The following IQCK variants were observed in gnomAD, a reference collection of about 807,000 sequenced individuals.
The protein encoded by IQCK is IQ domain-containing protein K.
Under a neutral mutation model 28.1 loss-of-function variants are expected in IQCK, and 29 were observed. The ratio of observed to expected loss-of-function variants is 1.03; its 90% CI spans 0.77 to 1.41. The LOEUF (loss-of-function observed/expected upper bound fraction) is 1.41, where lower values mean the gene tolerates loss of function less well. IQCK is among the 40% of genes most tolerant of loss of function. The pLI is 0.00. For synonymous variants in IQCK, 113 were observed against 115.1 expected (o/e 0.98, Z 0.12); for missense variants, 359 against 314.7 (o/e 1.14, Z -1.07).
At chr16:19,829,482 G>A (rs1204332178), downstream of IQCK, among the ~76,000 whole-genome samples, 1 of 152,060 alleles carries the variant, frequency 6.6e-6, no homozygotes, top group Non-Finnish European at 1.5e-5. Flanking sequence ...GATTACAGGC[G>A]TTTGCCACCA....
chr16:19,805,771 C>T (rs984410491), intron 7 of IQCK, among the ~76,000 whole-genome samples: 10 of 152,176 alleles, frequency 6.6e-5, no homozygotes, highest in South Asian at 6.2e-4. Flanking sequence ...TTAATTGACA[C>T]GAGGCCAGCC....
At chr16:19,760,727 G>C (rs1291384976) in intron 4 of IQCK, among the ~76,000 whole-genome samples, 7 of 152,118 alleles carry the variant, frequency 4.6e-5, no homozygotes, top group African/African-American at 1.7e-4. Flanking sequence ...AGAGTTCTTG[G>C]ATCTTGTGCA....
intron 2 of IQCK, among the ~76,000 whole-genome samples, chr16:19,731,927 A>G (rs893454920): frequency 5.9e-5 from 9 of 152,196 alleles, no homozygotes; most frequent in African/African-American, 2.4e-5. Flanking sequence ...GCAGGGTTAC[A>G]TGGAAATCTA....
chr16:19,857,131 G>T (rs11861105), exon 10 of IQCK: 1 of 201,848 alleles, frequency 5.0e-6, no homozygotes, highest in Non-Finnish European at 1.0e-5. Flanking sequence ...GTATTATATA[G>T]AAAGTTCCTG....
chr16:19,797,567 G>A (rs2055704882), intron 7 of IQCK, among the ~76,000 whole-genome samples: 2 of 67,636 alleles, frequency 3.0e-5, no homozygotes, highest in South Asian at 5.7e-4. Context: ...GTTATTTGAT[G>A]AACAATACAG....
intron 7 of IQCK, among the ~76,000 whole-genome samples, chr16:19,805,865 G>C (rs894387238): frequency 2.0e-5 from 3 of 152,038 alleles, no homozygotes; most frequent in African/African-American, 4.8e-5. Flanking sequence ...ATAGTTTGGT[G>C]GGGTGGGGGG....
intron 7 of IQCK, among the ~76,000 whole-genome samples, chr16:19,814,220 C>CAAAAAAAAAAAAA (rs71146272): frequency 5.1e-5 from 1 of 19,436 alleles, no homozygotes; most frequent in Non-Finnish European, 1.0e-4. Context: ...AACTCTATCT[C>CAAAAAAAAAAAAA]AAAAAAAAAA....
intron 1 of IQCK, among the ~76,000 whole-genome samples, chr16:19,729,934 AC>A (rs1977776941): frequency 1.3e-5 from 2 of 150,604 alleles, no homozygotes; most frequent in African/African-American, 4.9e-5. Flanking sequence ...GTGAGCCACC[AC>A]GCCCGGCCTA....
intron 4 of IQCK, among the ~76,000 whole-genome samples, chr16:19,750,960 G>A (rs2054978673): frequency 6.6e-6 from 1 of 152,108 alleles, no homozygotes; most frequent in South Asian, 2.1e-4. Flanking sequence ...TCAGAAATGT[G>A]GAGGGCTGTG....
rs568321978 is a variant in IQCK, at chr16:19,773,474, C to A, written c.605+9362C>A. On this transcript the variant is annotated intron_variant, in intron 6 of 7. Coordinates refer to ENST00000564186, the Ensembl canonical transcript of IQCK. ...GGGTTTGTTCTAAAGAACAAGTCTCCAATAATCTCAGAGTTCCTGGGGAAC... is the reference window on the plus strand; with the variant it reads ...GGGTTTGTTCTAAAGAACAAGTCTCAAATAATCTCAGAGTTCCTGGGGAAC... Among the ~76,000 whole-genome samples, 8 of 152,254 alleles carry A rather than the reference C, an allele frequency of 5.3e-5. No homozygotes were observed. The South Asian group carries it at 1.7e-3, about 32-fold the overall frequency.
intron 7 of IQCK, among the ~76,000 whole-genome samples, chr16:19,816,551 G>A (rs749086977): frequency 2.6e-5 from 4 of 152,166 alleles, no homozygotes; most frequent in Non-Finnish European, 5.9e-5. Flanking sequence ...CAAAGTGCTG[G>A]GATTACTCAG....
chr16:19,803,603 T>G (rs2055789450), intron 7 of IQCK, among the ~76,000 whole-genome samples: 3 of 152,204 alleles, frequency 2.0e-5, no homozygotes, highest in Admixed American at 6.5e-5. Flanking sequence ...AGATGAAGAA[T>G]AATAATAGCT....
chr16:19,783,147 C>T (rs1199988874), intron 6 of IQCK, among the ~76,000 whole-genome samples: 4 of 151,738 alleles, frequency 2.6e-5, no homozygotes, highest in South Asian at 2.1e-4. Flanking sequence ...TACAGGTGTC[C>T]GCCACTACGC....
At chr16:19,821,138 T>C (rs2056066092) in intron 7 of IQCK, among the ~76,000 whole-genome samples, 1 of 152,000 alleles carries the variant, frequency 6.6e-6, no homozygotes, top group South Asian at 2.1e-4. Flanking sequence ...AGCCCAGGAG[T>C]TTGAGACCAG....
chr16:19,822,169 C>T (rs942507000), intron 7 of IQCK, among the ~76,000 whole-genome samples: 1 of 150,226 alleles, frequency 6.7e-6, no homozygotes, highest in African/African-American at 2.4e-5. Context: ...AGGCAGATCA[C>T]ACGGTCAGGG....
intron 2 of IQCK, among the ~76,000 whole-genome samples, chr16:19,730,707 G>A (rs980330158): frequency 4.3e-5 from 6 of 138,714 alleles, no homozygotes; most frequent in Admixed American, 2.0e-4. Flanking sequence ...TAGTTTCGGC[G>A]TTTGTCTGTC....
At chr16:19,828,653 G>A (rs111782686), downstream of IQCK, among the ~76,000 whole-genome samples, 1,245 of 150,470 alleles carry the variant, frequency 8.3e-3, 19 homozygotes, top group African/African-American at 0.029. Context: ...GAGGCGGGTG[G>A]ATCACCTGAA....
At chr16:19,858,386 T>G in exon 10 of IQCK, 2 of 498,822 alleles carry the variant, frequency 4.0e-6, no homozygotes, top group Non-Finnish European at 7.2e-6. Context: ...GTTCTTATGC[T>G]GGGGAAGCAC....
chr16:19,807,483 C>G (rs1411928901), intron 7 of IQCK, among the ~76,000 whole-genome samples: 1 of 152,180 alleles, frequency 6.6e-6, no homozygotes, highest in Non-Finnish European at 1.5e-5. Context: ...TGCATCCTTG[C>G]TACTCAAATT....
Sources: allele counts gnomAD v4.1 joint callset (sites outside exome capture counted in the v4.1 genomes callset), GRCh38; gene constraint gnomAD v4.1.1; transcripts MANE v1.5; gene names NCBI Gene and HGNC (gene_info 2026-07-23, HGNC 2026-07-21).